PRPF39: variants seen among roughly 807,000 people sequenced by gnomAD.
PRPF39 encodes the protein pre-mRNA-processing factor 39.
Under a neutral mutation model 82.1 loss-of-function variants are expected in PRPF39, and 27 were observed. The observed-to-expected ratio is 0.33, with a 90% CI of 0.24 to 0.45. PRPF39 has a LOEUF of 0.45. PRPF39 is among the 20% of genes least tolerant of loss of function. The pLI is 1.00. For missense variants in PRPF39, 581 were observed against 796.9 expected (o/e 0.73, Z 3.26); for synonymous variants, 261 against 256.4 (o/e 1.02, Z -0.17).
chr14:45,093,258 T>A (rs967553855), intron 1 of PRPF39, among the ~76,000 whole-genome samples: 1 of 151,900 alleles, frequency 6.6e-6, no homozygotes, highest in Non-Finnish European at 1.5e-5. Context: ...AATCTCACTG[T>A]ATTGCCCAGG....
intron 1 of PRPF39, among the ~76,000 whole-genome samples, chr14:45,087,473 ATACCGAGGTAT>A (rs1883869118): frequency 6.6e-6 from 1 of 152,012 alleles, no homozygotes; most frequent in South Asian, 2.1e-4. Flanking sequence ...ATTCATTTTT[ATACCGAGGTAT>A]GTTTGAATAT....
chr14:45,103,343 T>G (rs1884430965), intron 5 of PRPF39, among the ~76,000 whole-genome samples: 1 of 152,140 alleles, frequency 6.6e-6, no homozygotes, highest in African/African-American at 2.4e-5. Context: ...ATCCAGAAAG[T>G]CTTTCTGAAC....
chr14:45,097,140 C>G, intron 4 of PRPF39, 135 bp downstream of exon 4: 1 of 1,305,298 alleles, frequency 7.7e-7, no homozygotes. Flanking sequence ...ATGTAATAAA[C>G]TTAAGCTTTA....
chr14:45,102,394 C>A, intron 4 of PRPF39, 135 bp from the exon 5 acceptor site: 1 of 643,892 alleles, frequency 1.6e-6, no homozygotes, highest in Non-Finnish European at 2.5e-6. Context: ...ATTCTGTCTA[C>A]CCTTTAATCC....
rs1460433483 is a variant in PRPF39, at chr14:45,108,521, G to A, written c.1010G>A (p.Gly337Asp). The A allele has an allele frequency of 1.3e-6, 2 of 1,582,526 alleles. No homozygotes were observed. Among genetic ancestry groups the A allele is most frequent in the African/African-American group, 1.4e-5 (1 of 72,750 alleles). ...AGTAAAAGGTGGACATTTGAAGAAG[G>A]TGTAAGTGTTTTTGTTTTGTAATAG... is the stretch of plus-strand genomic sequence containing the variant. Reference protein sequence around the residue: ...EVSKRWTFEEGIKRPYFHVKP... With the variant: ...EVSKRWTFEEDIKRPYFHVKP... The change falls in exon 7 of 14, where the codon GGT becomes GAT. Residue 337 changes from glycine (G) to aspartate (D), a missense_variant and splice_region_variant. Coordinates refer to ENST00000355765, the MANE Select transcript of PRPF39 (RefSeq NM_017922.4).
In PRPF39 at chr14:45,114,585, G is replaced by A. The variant is rs141588919; in HGVS notation, c.1924G>A (p.Ala642Thr). Residue 642 changes from alanine to threonine, a missense_variant, in exon 13 of 14, where the codon GCT (alanine) becomes ACT (threonine). By Grantham distance (58) the Ala-to-Thr change is moderately conservative. Transcript: ENST00000355765. ...MIDGDLQANQ[A>T]VYNYSAWYQY... ...TGATGGTGATTTACAGGCAAACCAAGCTGTATATAATTATAGTGCGTGGTA... is the reference window on the plus strand; with the variant it reads ...TGATGGTGATTTACAGGCAAACCAAACTGTATATAATTATAGTGCGTGGTA... 1.9e-6 allele frequency: 3 copies of A among 1,609,988 alleles called. No homozygotes were observed. The African/African-American group carries it at 4.0e-5, about 22-fold the overall frequency.
At position 45,112,370 on chromosome 14, in the gene PRPF39, T is replaced by C; in HGVS notation, c.1625T>C (p.Leu542Pro). Residue 542 changes from leucine to proline, a missense_variant, in exon 11 of 14, where the codon CTC becomes CCC. Leu to Pro is a moderately conservative substitution (Grantham distance 98). Transcript: ENST00000355765. ...NLLEMEYSGD[L>P]KQNEENILNC... is the part of the protein sequence containing the mutation. Reference sequence around the variant, plus strand: ...CTTGAAATGGAATATAGTGGTGACCTCAAACAAAATGAAGAAAATATCCTA... The same window carrying C: ...CTTGAAATGGAATATAGTGGTGACCCCAAACAAAATGAAGAAAATATCCTA... 6.3e-7 allele frequency: 1 copy of C among 1,582,900 alleles called. No individual in the cohort carries two copies. Among genetic ancestry groups the C allele is most frequent in the Non-Finnish European group, 8.5e-7 (1 of 1,170,864 alleles).
chr14:45,094,205 A>T (rs1042245534), intron 1 of PRPF39, among the ~76,000 whole-genome samples: 15 of 151,890 alleles, frequency 9.9e-5, no homozygotes, highest in East Asian at 5.8e-4. Context: ...TCCTCATTTT[A>T]AAAAAAATGA....
intron 4 of PRPF39, among the ~76,000 whole-genome samples, chr14:45,099,961 T>G (rs973209483): frequency 6.6e-6 from 1 of 152,198 alleles, no homozygotes; most frequent in Non-Finnish European, 1.5e-5. Context: ...TTTGTTCCTA[T>G]TACAGATTAG....
At chr14:45,113,971 G>A (rs779645134) in intron 11 of PRPF39, among the ~76,000 whole-genome samples, 10 of 152,062 alleles carry the variant, frequency 6.6e-5, no homozygotes, top group Non-Finnish European at 1.2e-4. Flanking sequence ...CAGACAAATC[G>A]GAGATTCAAC....
intron 2 of PRPF39, among the ~76,000 whole-genome samples, chr14:45,095,889 GTT>G (rs371379977): frequency 3.2e-4 from 41 of 129,926 alleles, no homozygotes; most frequent in Non-Finnish European, 4.0e-4. Context: ...GCCTGTGTAG[GTT>G]TTTTTTTTTT....
chr14:45,085,939 A>G (rs1016471090), intron 1 of PRPF39, among the ~76,000 whole-genome samples: 27 of 151,778 alleles, frequency 1.8e-4, no homozygotes, highest in African/African-American at 3.9e-4. Flanking sequence ...GCATACAGAA[A>G]AAAAAAAAAA....
chr14:45,105,210 A>C (rs1884489730), intron 5 of PRPF39, among the ~76,000 whole-genome samples: 1 of 152,166 alleles, frequency 6.6e-6, no homozygotes, highest in Admixed American at 6.5e-5. Context: ...TATTATGCAC[A>C]TTTTGTCACT....
chr14:45,104,684 C>T (rs568842982), intron 5 of PRPF39, among the ~76,000 whole-genome samples: 3 of 152,228 alleles, frequency 2.0e-5, no homozygotes, highest in South Asian at 2.1e-4. Flanking sequence ...TGGATGTACC[C>T]TGCACATTAT....
intron 4 of PRPF39, among the ~76,000 whole-genome samples, chr14:45,099,796 A>G (rs1468050931): frequency 6.6e-6 from 1 of 151,922 alleles, no homozygotes; most frequent in Non-Finnish European, 1.5e-5. Context: ...TCCTTTTTTT[A>G]TACTCTCCAA....
At position 45,110,616 on chromosome 14, in the gene PRPF39, T is replaced by G. The variant is rs1282275384; in HGVS notation, c.1371T>G (p.Val457=). 2 of 1,572,770 alleles carry G rather than the reference T, an allele frequency of 1.3e-6. No individual in the cohort carries two copies. Among genetic ancestry groups the G allele is most frequent in the Admixed American group, 3.7e-5 (2 of 53,672 alleles). ...FEECVLGLAM[V]RLRRVSLERR... ...AATGTGTTCTAGGATTGGCAATGGT[T>G]CGTTTACGAAGAGTAAGTTTAGAAC... Residue 457 remains valine (V), a synonymous_variant, in exon 10 of 14, where the codon GTT becomes GTG. Transcript: ENST00000355765. This position sits in a 1 kb window ranked among gnomAD's most constrained non-coding sequence, Gnocchi z 4.0.
chr14:45,110,398 G>GA lies in PRPF39; in HGVS notation c.1304-148dup, dbSNP rs1884665890. 1 of 1,197,140 alleles carries GA rather than the reference G, an allele frequency of 8.4e-7. No individual in the cohort carries two copies. The highest frequency in any genetic ancestry group is 1.2e-6 in the Non-Finnish European group (1 of 868,990). The allele number at this position is 1,197,140 out of a possible 1,614,324, so 74.2% of individuals were successfully genotyped here. ...AGGCTTTGTAAGCCATTGTAGCCCC[G>GA]AAACAGCCATAGGCAGTGTGTAAAT... On this transcript the variant is annotated intron_variant, in intron 9 of 13. Transcript: ENST00000355765. This position sits in a 1 kb window ranked among gnomAD's most constrained non-coding sequence, Gnocchi z 4.0.
chr14:45,085,122 A>C (rs75536634), intron 1 of PRPF39, among the ~76,000 whole-genome samples: 1 of 152,190 alleles, frequency 6.6e-6, no homozygotes, highest in East Asian at 1.9e-4. Context: ...TATGAAGCTC[A>C]TGTTGAAACT....
chr14:45,103,274 CTG>C (rs750227471), intron 5 of PRPF39, among the ~76,000 whole-genome samples: 2 of 152,010 alleles, frequency 1.3e-5, no homozygotes, highest in Non-Finnish European at 2.9e-5. Flanking sequence ...ACAACTAATT[CTG>C]TGTCATTATT....
Sources: gnomAD v4.1 joint callset for allele counts (sites outside exome capture counted in the v4.1 genomes callset) on GRCh38, gnomAD v4.1.1 for gene constraint, Gnocchi (gnomAD v3.1) non-coding constraint, MANE v1.5 for transcripts, NCBI Gene and HGNC (gene_info 2026-07-23, HGNC 2026-07-21) for gene names.